RIMKLA: variants seen among roughly 807,000 people sequenced by gnomAD.
RIMKLA encodes N-acetylaspartylglutamate synthase A.
A neutral mutation model predicts 32.7 loss-of-function variants in RIMKLA; 14 were observed. That is an observed-to-expected ratio of 0.43 (90% CI 0.28 to 0.67). The LOEUF is 0.67. Among genes scored for constraint, RIMKLA ranks in the 30% least tolerant of loss-of-function variants. The pLI is 0.18. For missense variants in RIMKLA, 410 were observed against 519.0 expected (o/e 0.79, Z 2.04); for synonymous variants, 176 against 204.1 (o/e 0.86, Z 1.18).
At position 42,420,210 on chromosome 1, in the gene RIMKLA, A is replaced by G. The variant is rs891783781; in HGVS notation, c.*5236A>G. On this transcript the variant is annotated 3_prime_UTR_variant, in exon 5 of 5. Transcript: ENST00000431473. ...TATTTTTGCAGCCACTGCTGACTCC[A>G]CACTTCTGCTACCTCATTTTAAATA... The G allele has an allele frequency of 5.9e-5, 9 of 152,188 alleles. No homozygotes were observed. Among genetic ancestry groups the G allele is most frequent in the Non-Finnish European group, 1.2e-4 (8 of 68,028 alleles). The allele number at this position is 152,188 out of a possible 1,614,324, so 9.4% of individuals were successfully genotyped here.
intron 4 of RIMKLA, 36 bp downstream of exon 4, chr1:42,410,223 T>G (rs768523439): frequency 3.8e-6 from 6 of 1,573,886 alleles, no homozygotes; most frequent in Non-Finnish European, 5.2e-6. Flanking sequence ...ATTAGGGTAT[T>G]TGGACCCATT....
At chr1:42,383,786 C>CA (rs981637003) in intron 1 of RIMKLA, among the ~76,000 whole-genome samples, 6 of 152,286 alleles carry the variant, frequency 3.9e-5, no homozygotes, top group Non-Finnish European at 7.3e-5. Flanking sequence ...AGCTAGTTAA[C>CA]AGCAAACCTA....
At position 42,414,936 on chromosome 1, in the gene RIMKLA, A is replaced by T; in HGVS notation, c.1138A>T (p.Ile380Phe). ...CATGCTGCCCGAACCTGGCTACAAC[A>T]TTAACAACAGGATTGCTTCTGAGTT... is the stretch of plus-strand genomic sequence containing the variant. Reference protein sequence around the residue: ...PSMLPEPGYNINNRIASELKL... With the variant: ...PSMLPEPGYNFNNRIASELKL... Residue 380 changes from isoleucine to phenylalanine, a missense_variant, in exon 5 of 5, where the codon ATT (isoleucine) becomes TTT (phenylalanine). Physicochemically the swap from Ile to Phe is conservative, Grantham distance 21. Coordinates refer to ENST00000431473, the MANE Select transcript of RIMKLA (RefSeq NM_173642.4). 1 of 1,613,572 alleles carries T rather than the reference A, an allele frequency of 6.2e-7. No homozygotes were observed. The highest frequency in any genetic ancestry group is 8.5e-7 in the Non-Finnish European group (1 of 1,179,816).
intron 1 of RIMKLA, among the ~76,000 whole-genome samples, chr1:42,386,015 G>A (rs1392352543): frequency 4.6e-5 from 7 of 150,754 alleles, no homozygotes; most frequent in East Asian, 1.9e-4. Context: ...TCTGCCTCCC[G>A]GGTTCGTGCA....
At chr1:42,411,287 A>G (rs1643195006) in intron 4 of RIMKLA, among the ~76,000 whole-genome samples, 1 of 151,232 alleles carries the variant, frequency 6.6e-6, no homozygotes, top group Non-Finnish European at 1.5e-5. Context: ...GTGAGCTATG[A>G]TTGTGCCATA....
At chr1:42,399,696 CT>C in intron 2 of RIMKLA, 62 bp downstream of exon 2, 2 of 993,540 alleles carry the variant, frequency 2.0e-6, no homozygotes, top group South Asian at 1.5e-5. Flanking sequence ...CCTTAGAAAC[CT>C]TCTAGTATCT....
intron 3 of RIMKLA, among the ~76,000 whole-genome samples, chr1:42,405,595 A>G (rs1246577149): frequency 6.6e-6 from 1 of 152,144 alleles, no homozygotes; most frequent in Admixed American, 6.5e-5. Context: ...GGACTATGCA[A>G]TAGAAATGAA....
At chr1:42,408,422 T>C (rs774497726) in intron 3 of RIMKLA, among the ~76,000 whole-genome samples, 1 of 152,184 alleles carries the variant, frequency 6.6e-6, no homozygotes, top group Non-Finnish European at 1.5e-5. Flanking sequence ...TGTATTTGTT[T>C]GTTTGTTTGT....
chr1:42,398,795 C>T (rs1276280122), intron 1 of RIMKLA, among the ~76,000 whole-genome samples: 3 of 151,786 alleles, frequency 2.0e-5, no homozygotes, highest in Admixed American at 2.0e-4. Flanking sequence ...GGCGAAACCC[C>T]ATCTCTACAA....
chr1:42,414,902 C>A lies in RIMKLA; in HGVS notation c.1104C>A (p.Ala368=), dbSNP rs749741309. 9.4e-5 allele frequency: 152 copies of A among 1,613,996 alleles called. No individual in the cohort carries two copies. The highest frequency in any genetic ancestry group is 1.3e-4 in the Non-Finnish European group (148 of 1,180,022). The part of the protein sequence containing the change: ...IRDSSASTMG[A]PPSMLPEPGY... ...ATTCCTCAGCAAGCACAATGGGGGC[C>A]CCACCCTCCATGCTGCCCGAACCTG... The change falls in exon 5 of 5, where the codon GCC becomes GCA. Residue 368 remains alanine, a synonymous_variant. Transcript: ENST00000431473.
chr1:42,409,906 T>G, intron 3 of RIMKLA, 78 bp from the exon 4 acceptor site: 1 of 1,111,074 alleles, frequency 9.0e-7, no homozygotes, highest in East Asian at 2.3e-5. Context: ...GATGACTTTA[T>G]GGACAAGGAG....
In RIMKLA at chr1:42,384,624, ATG is replaced by A. The variant is rs752139823; in HGVS notation, c.163+3537_163+3538del. On this transcript the variant is annotated intron_variant, in intron 1 of 4. Coordinates refer to ENST00000431473, the MANE Select transcript of RIMKLA (RefSeq NM_173642.4). ...ATATGTATGTATATATATACTATAT[ATG>A]TGTGTGTGTATATATATATATATAG... 1.9e-4 allele frequency among the ~76,000 whole-genome samples: 7 copies of A among 36,090 alleles called. No individual in the cohort carries two copies. The Admixed American group carries it at 2.3e-3, about 12-fold the overall frequency. The allele number at this position is 36,090 out of a possible 152,430, so 23.7% of individuals were successfully genotyped here.
intron 1 of RIMKLA, 118 bp downstream of exon 1, chr1:42,381,215 C>A: frequency 1.4e-6 from 1 of 724,964 alleles, no homozygotes; most frequent in Non-Finnish European, 1.9e-6. Flanking sequence ...CGCACACTAG[C>A]CGCACTCTAG....
At chr1:42,396,236 CAAAAAAAA>C (rs11363612) in intron 1 of RIMKLA, among the ~76,000 whole-genome samples, 4 of 60,904 alleles carry the variant, frequency 6.6e-5, no homozygotes, top group Admixed American at 5.3e-4. Flanking sequence ...AACTCCATCT[CAAAAAAAA>C]AAAAAAAAAA....
chr1:42,396,993 G>A (rs549633642), intron 1 of RIMKLA, among the ~76,000 whole-genome samples: 48 of 148,464 alleles, frequency 3.2e-4, no homozygotes, highest in African/African-American at 1.2e-3. Context: ...AAGTGTCAAA[G>A]GAATTTTTCA....
At chr1:42,392,194 T>TA (rs1643005217) in intron 1 of RIMKLA, among the ~76,000 whole-genome samples, 1 of 152,148 alleles carries the variant, frequency 6.6e-6, no homozygotes, top group Admixed American at 6.5e-5. Context: ...TTCCTTGATT[T>TA]TTCTCTCTCC....
chr1:42,413,758 G>A (rs1315926618), intron 4 of RIMKLA, among the ~76,000 whole-genome samples: 5 of 150,838 alleles, frequency 3.3e-5, no homozygotes, highest in Admixed American at 3.3e-4. Context: ...TTTGGAACAG[G>A]GTTTTACTCT....
Position 42,380,883 on chromosome 1 carries a change from G to C in RIMKLA, c.-52G>C. ...CTCCGCTCGCCCTACTGAGCGAGCG[G>C]CCCGGGGCGCCGAGGGGTCCGCGCC... On this transcript the variant is annotated 5_prime_UTR_variant, in exon 1 of 5. Coordinates refer to ENST00000431473, the MANE Select transcript of RIMKLA (RefSeq NM_173642.4). 8.2e-7 allele frequency: 1 copy of C among 1,217,496 alleles called. No homozygotes were observed. The highest frequency in any genetic ancestry group is 1.0e-6 in the Non-Finnish European group (1 of 978,018). 75.4% of individuals were successfully genotyped at this position (1,217,496 alleles called of 1,614,324 possible).
chr1:42,416,882 T>C lies in RIMKLA; in HGVS notation c.*1908T>C, dbSNP rs1305613283. The stretch of plus-strand genomic sequence containing the variant: ...ATGGAGATGTCACACTACACAGTTG[T>C]AGTTTAAATGCAGTCCAACATAAGG... On this transcript the variant is annotated 3_prime_UTR_variant, in exon 5 of 5. Coordinates refer to ENST00000431473, the MANE Select transcript of RIMKLA (RefSeq NM_173642.4). 1.3e-5 allele frequency: 2 copies of C among 152,242 alleles called. No homozygotes were observed. Among genetic ancestry groups the C allele is most frequent in the East Asian group, 1.9e-4 (1 of 5,196 alleles). 9.4% of individuals were successfully genotyped at this position (152,242 alleles called of 1,614,324 possible).
Sources: allele counts gnomAD v4.1 joint callset (sites outside exome capture counted in the v4.1 genomes callset), GRCh38; gene constraint gnomAD v4.1.1; transcripts MANE v1.5; gene names NCBI Gene and HGNC (gene_info 2026-07-23, HGNC 2026-07-21).